ITGA1: variants seen among roughly 807,000 people sequenced by gnomAD.
The protein encoded by ITGA1 is integrin subunit alpha 1.
Under a neutral mutation model 145.9 loss-of-function variants are expected in ITGA1, and 85 were observed. That is an observed-to-expected ratio of 0.58 (90% CI 0.49 to 0.70). ITGA1 has a LOEUF of 0.70. Ranked by LOEUF, ITGA1 falls within the 30% of genes least tolerant of loss-of-function variation. The probability of loss-of-function intolerance (pLI) is 0.00; values close to 1 mark genes in which losing one functional copy is unlikely to be tolerated. For synonymous variants in ITGA1, 520 were observed against 495.3 expected, an observed-to-expected ratio of 1.05 and a Z score of -0.66; for missense variants, 1,351 against 1,418.7, an observed-to-expected ratio of 0.95 and a Z score of 0.77.
chr5:52,912,869 C>T (rs1750588207), intron 14 of ITGA1, among the ~76,000 whole-genome samples: 1 of 151,606 alleles, frequency 6.6e-6, no homozygotes, highest in Admixed American at 6.6e-5. Context: ...GCTTTAGTCT[C>T]CCGAGGAACT....
intron 19 of ITGA1, 54 bp downstream of exon 19, chr5:52,925,541 A>G (rs1262190623): frequency 1.5e-6 from 2 of 1,303,682 alleles, no homozygotes; most frequent in African/African-American, 2.9e-5. Flanking sequence ...TACCTGGCCT[A>G]CTTTTCATGC....
chr5:52,943,203 GGATTAGTTACAGAT>G (rs1751079887), intron 26 of ITGA1, among the ~76,000 whole-genome samples: 1 of 152,066 alleles, frequency 6.6e-6, no homozygotes, highest in Admixed American at 6.5e-5. Flanking sequence ...ATATTGGCTA[GGATTAGTTACAGAT>G]GACTCTTATT....
At chr5:52,922,043 G>A (rs1323691785) in intron 17 of ITGA1, among the ~76,000 whole-genome samples, 2 of 152,198 alleles carry the variant, frequency 1.3e-5, no homozygotes, top group East Asian at 3.9e-4. Context: ...GCTCACGCCT[G>A]TAATCCCAGC....
At chr5:52,855,698 C>T (rs1401537858) in intron 2 of ITGA1, among the ~76,000 whole-genome samples, 1 of 152,092 alleles carries the variant, frequency 6.6e-6, no homozygotes, top group Non-Finnish European at 1.5e-5. Context: ...GCTGGAGATT[C>T]CTGAAATTCT....
rs13436126 is a variant in ITGA1 at position 52,817,025 on chromosome 5, A to G, written c.61+28611A>G. Among the ~76,000 whole-genome samples the G allele has an allele frequency of 6.7e-3, 1,018 of 152,372 alleles. 12 individuals carry two copies. The highest frequency in any genetic ancestry group is 0.023 in the African/African-American group (969 of 41,590). On this transcript the variant is annotated intron_variant, in intron 1 of 28. Transcript: ENST00000282588. ...TGGGAGTGATAAACTTTGTCAGTTT[A>G]GAATCAATTTAGATCAGTTTAAAAC...
At chr5:52,942,912 C>A (rs545368328) in intron 26 of ITGA1, among the ~76,000 whole-genome samples, 4 of 152,184 alleles carry the variant, frequency 2.6e-5, no homozygotes, top group East Asian at 3.9e-4. Flanking sequence ...AATTTTTGTA[C>A]CCCTATTTTA....
intron 27 of ITGA1, 108 bp downstream of exon 27, chr5:52,945,143 CGGT>C (rs142523147): frequency 0.019 from 14,145 of 745,958 alleles, 444 homozygotes; most frequent in East Asian, 0.11. Flanking sequence ...GTATTGCTCT[CGGT>C]AAGTGACAGA....
At position 52,957,383 on chromosome 5, in the gene ITGA1, C is replaced by T. The variant is rs1420616170; in HGVS notation, c.*4932C>T. ...GCTTCTCATTGAAATTTTACCATAC[C>T]AAAAAATATGTAAGGGTGACTCATC... On this transcript the variant is annotated 3_prime_UTR_variant, in exon 29 of 29. Coordinates refer to ENST00000282588, the MANE Select transcript of ITGA1 (RefSeq NM_181501.2). 1 of 152,084 alleles carries T rather than the reference C, an allele frequency of 6.6e-6. No homozygotes were observed. The highest frequency in any genetic ancestry group is 1.5e-5 in the Non-Finnish European group (1 of 68,038). The allele number at this position is 152,084 out of a possible 1,614,324, so 9.4% of individuals were successfully genotyped here.
At chr5:52,952,344 G>T in intron 28 of ITGA1, 63 bp from the exon 29 acceptor site, 1 of 835,386 alleles carries the variant, frequency 1.2e-6, no homozygotes, top group Non-Finnish European at 1.8e-6. Flanking sequence ...CTATCCAAAG[G>T]ATTAATATTT....
chr5:52,936,400 T>C (rs1375615272), intron 23 of ITGA1, among the ~76,000 whole-genome samples: 1 of 152,186 alleles, frequency 6.6e-6, no homozygotes, highest in East Asian at 1.9e-4. Context: ...AATTCCAGAA[T>C]TAAAGGATGT....
chr5:52,902,490 T>C (rs1485509837), intron 11 of ITGA1: 1 of 152,256 alleles, frequency 6.6e-6, no homozygotes, highest in Non-Finnish European at 1.5e-5. Flanking sequence ...TCCCAAGAAG[T>C]GAATTATGAG....
At chr5:52,892,898 C>T (rs888445322) in intron 8 of ITGA1, among the ~76,000 whole-genome samples, 8 of 151,988 alleles carry the variant, frequency 5.3e-5, no homozygotes, top group Non-Finnish European at 8.8e-5. Context: ...AAATATTCTA[C>T]ACCTTGATGT....
chr5:52,800,861 T>G (rs1748462919), intron 1 of ITGA1: 1 of 1,610,768 alleles, frequency 6.2e-7, no homozygotes. Context: ...ACTCCCAGCA[T>G]GACCCTCACT....
intron 8 of ITGA1, among the ~76,000 whole-genome samples, chr5:52,892,761 C>T (rs1750170077): frequency 6.6e-6 from 1 of 151,790 alleles, no homozygotes; most frequent in South Asian, 2.1e-4. Flanking sequence ...CTATATGATT[C>T]CTTAAATCTG....
At chr5:52,851,522 C>G (rs1431955251) in intron 2 of ITGA1, among the ~76,000 whole-genome samples, 1 of 152,124 alleles carries the variant, frequency 6.6e-6, no homozygotes, top group Non-Finnish European at 1.5e-5. Flanking sequence ...TAAGGTTATT[C>G]TATCTTTGTA....
At chr5:52,937,549 T>C (rs370634044) in intron 24 of ITGA1, 35 bp downstream of exon 24, 119 of 1,251,550 alleles carry the variant, frequency 9.5e-5, no homozygotes, top group Non-Finnish European at 6.3e-5. Context: ...ATGTCATTAC[T>C]GTTATCTTTT....
intron 1 of ITGA1, chr5:52,800,987 A>G: frequency 6.2e-7 from 1 of 1,614,120 alleles, no homozygotes; most frequent in South Asian, 1.1e-5. Flanking sequence ...CGCCACATAC[A>G]CTTTGATGTT....
chr5:52,871,981 A>G (rs1053097759), intron 6 of ITGA1, among the ~76,000 whole-genome samples: 2 of 152,188 alleles, frequency 1.3e-5, no homozygotes, highest in African/African-American at 4.8e-5. Context: ...TTTAATAATA[A>G]ATGAAGATAA....
At chr5:52,885,817 T>C (rs1249024262) in intron 7 of ITGA1, among the ~76,000 whole-genome samples, 3 of 152,216 alleles carry the variant, frequency 2.0e-5, no homozygotes, top group African/African-American at 4.8e-5. Flanking sequence ...CAGGTTCTGA[T>C]TGGTAAAGTC....
Sources: gnomAD v4.1 joint callset for allele counts (sites outside exome capture counted in the v4.1 genomes callset) on GRCh38, gnomAD v4.1.1 for gene constraint, MANE v1.5 for transcripts, NCBI Gene and HGNC (gene_info 2026-07-23, HGNC 2026-07-21) for gene names.